STX12: variants seen among roughly 807,000 people sequenced by gnomAD.
The protein encoded by STX12 is syntaxin-12.
Under a neutral mutation model 42.2 loss-of-function variants are expected in STX12, and 17 were observed. The ratio of observed to expected loss-of-function variants is 0.40; its 90% CI spans 0.28 to 0.60. The LOEUF is 0.60. Among genes scored for constraint, STX12 ranks in the 20% least tolerant of loss-of-function variants. The pLI, the probability that STX12 is intolerant of heterozygous loss-of-function variation, is 0.39. For missense variants in STX12, 297 were observed against 330.9 expected, an observed-to-expected ratio of 0.90 and a Z score of 0.79; for synonymous variants, 108 against 116.7, an observed-to-expected ratio of 0.93 and a Z score of 0.48.
rs1286499559 is a variant in STX12, at chr1:27,801,712, A to T, written c.323A>T (p.Asn108Ile). 6.4e-7 allele frequency: 1 copy of T among 1,569,228 alleles called. No individual in the cohort carries two copies. The highest frequency in any genetic ancestry group is 8.6e-7 in the Non-Finnish European group (1 of 1,164,540). The part of the protein sequence containing the change: ...QQRLQKERLM[N>I]DFSAALNNFQ... ...AGACTTCAGAAGGAACGCCTCATGA[A>T]TGACTTCTCTGCAGCCTTAAACAAT... Residue 108 changes from asparagine to isoleucine, a missense_variant, in exon 4 of 9, where the codon AAT becomes ATT. Asn to Ile is a moderately radical substitution (Grantham distance 149). Transcript: ENST00000373943.
chr1:27,786,683 ACT>A (rs1028441327), intron 1 of STX12, among the ~76,000 whole-genome samples: 1 of 152,170 alleles, frequency 6.6e-6, no homozygotes, highest in Non-Finnish European at 1.5e-5. Context: ...GAGTTCTGTA[ACT>A]CTCAGGAGCC....
At chr1:27,783,484 C>T (rs2088681574) in intron 1 of STX12, among the ~76,000 whole-genome samples, 1 of 152,110 alleles carries the variant, frequency 6.6e-6, no homozygotes, top group Non-Finnish European at 1.5e-5. Context: ...TAGGCATGTG[C>T]CATCATGCCT....
At chr1:27,801,632 A>T (rs2088828979) in intron 3 of STX12, 46 bp from the exon 4 acceptor site, 1 of 1,462,218 alleles carries the variant, frequency 6.8e-7, no homozygotes, top group Non-Finnish European at 9.0e-7. Flanking sequence ...AAACCAAATG[A>T]TTCTGGGTTA....
At chr1:27,805,313 C>G (rs578035714) in intron 4 of STX12, among the ~76,000 whole-genome samples, 148 of 152,092 alleles carry the variant, frequency 9.7e-4, no homozygotes, top group African/African-American at 3.4e-3. Flanking sequence ...TACATATTAA[C>G]ATGAATATAA....
chr1:27,803,733 G>A (rs1468777625), intron 4 of STX12, among the ~76,000 whole-genome samples: 3 of 152,236 alleles, frequency 2.0e-5, no homozygotes, highest in Non-Finnish European at 4.4e-5. Context: ...GCCAGGCGTG[G>A]TGGCTCACAC....
chr1:27,817,237 G>C (rs2088950430), intron 6 of STX12, among the ~76,000 whole-genome samples: 3 of 152,174 alleles, frequency 2.0e-5, no homozygotes, highest in Non-Finnish European at 4.4e-5. Flanking sequence ...TACCTTCTTT[G>C]ATCAGAGCAG....
intron 3 of STX12, among the ~76,000 whole-genome samples, chr1:27,794,972 C>T (rs1310654057): frequency 6.6e-6 from 1 of 152,200 alleles, no homozygotes; most frequent in Non-Finnish European, 1.5e-5. Flanking sequence ...ATCCTCCTTT[C>T]TTGGCCTTGC....
intron 2 of STX12, among the ~76,000 whole-genome samples, chr1:27,792,940 G>C (rs1029109548): frequency 1.3e-5 from 2 of 152,114 alleles, no homozygotes; most frequent in African/African-American, 2.4e-5. Context: ...ATTTTTAACA[G>C]GTAAGGCTTC....
At chr1:27,818,338 G>A (rs1010778248) in intron 7 of STX12, among the ~76,000 whole-genome samples, 8 of 150,998 alleles carry the variant, frequency 5.3e-5, no homozygotes, top group East Asian at 3.9e-4. Context: ...CCGAGATTGC[G>A]CCACTGTATT....
chr1:27,782,823 C>G (rs1421199058), intron 1 of STX12, among the ~76,000 whole-genome samples: 1 of 151,990 alleles, frequency 6.6e-6, no homozygotes, highest in Non-Finnish European at 1.5e-5. Context: ...GCAAAGAGAG[C>G]AAAGCTCTGT....
At chr1:27,792,274 C>G (rs1169584300) in intron 2 of STX12, among the ~76,000 whole-genome samples, 1 of 88,032 alleles carries the variant, frequency 1.1e-5, no homozygotes, top group Non-Finnish European at 2.2e-5. Flanking sequence ...ATATATGTAT[C>G]TATATATATG....
At chr1:27,809,796 A>G (rs536008929) in intron 4 of STX12, 5 of 154,238 alleles carry the variant, frequency 3.2e-5, no homozygotes, top group African/African-American at 1.2e-4. Flanking sequence ...AGTAAAAATC[A>G]AAAAAACCTT....
chr1:27,784,656 A>T (rs553428855), intron 1 of STX12, among the ~76,000 whole-genome samples: 3 of 152,204 alleles, frequency 2.0e-5, no homozygotes, highest in Admixed American at 2.0e-4. Context: ...TTGAGTTACT[A>T]GTTTTGAACA....
intron 3 of STX12, among the ~76,000 whole-genome samples, chr1:27,793,884 A>G (rs1300610625): frequency 2.0e-5 from 3 of 152,084 alleles, no homozygotes; most frequent in Admixed American, 6.5e-5. Flanking sequence ...TATTATTAAC[A>G]TTATTAATAT....
chr1:27,792,356 A>G (rs2088755485), intron 2 of STX12, among the ~76,000 whole-genome samples: 1 of 144,580 alleles, frequency 6.9e-6, no homozygotes, highest in Admixed American at 7.1e-5. Context: ...AGATACATAT[A>G]TATGTATATA....
chr1:27,780,824 C>T (rs2088663206), intron 1 of STX12, among the ~76,000 whole-genome samples: 1 of 151,738 alleles, frequency 6.6e-6, no homozygotes, highest in Non-Finnish European at 1.5e-5. Context: ...TGGTGGCACA[C>T]ACCTGTAGTC....
At chr1:27,798,531 A>G (rs2088802501) in intron 3 of STX12, among the ~76,000 whole-genome samples, 1 of 151,064 alleles carries the variant, frequency 6.6e-6, no homozygotes, top group East Asian at 1.9e-4. Flanking sequence ...TATAATCCCA[A>G]CTACTCGGGA....
At chr1:27,791,051 G>A (rs1011762689) in intron 2 of STX12, among the ~76,000 whole-genome samples, 3 of 150,984 alleles carry the variant, frequency 2.0e-5, no homozygotes, top group South Asian at 2.1e-4. Context: ...ACCCGAGGTC[G>A]GGAGTTCAAG....
In STX12 at chr1:27,824,114, C is replaced by T. The variant is rs1475522977; in HGVS notation, c.*1785C>T. On this transcript the variant is annotated 3_prime_UTR_variant, in exon 9 of 9. Coordinates refer to ENST00000373943, the MANE Select transcript of STX12 (RefSeq NM_177424.3). ...TAAAAAAAAGAACAACAGGATAGAG[C>T]TGTTGGGGTGGCACAGTGGCCCAAA... 6.6e-6 allele frequency: 1 copy of T among 151,874 alleles called. No homozygotes were observed. The highest frequency in any genetic ancestry group is 1.5e-5 in the Non-Finnish European group (1 of 67,990). 9.4% of individuals were successfully genotyped at this position (151,874 alleles called of 1,614,324 possible).
Sources: gnomAD v4.1 joint callset for allele counts (sites outside exome capture counted in the v4.1 genomes callset) on GRCh38, gnomAD v4.1.1 for gene constraint, MANE v1.5 for transcripts, NCBI Gene and HGNC (gene_info 2026-07-23, HGNC 2026-07-21) for gene names.